Variants in RGL4 observed in about 807,000 individuals in gnomAD.
RGL4 encodes ral-GDS-related protein.
A neutral mutation model predicts 49.6 loss-of-function variants in RGL4; 41 were observed. The ratio of observed to expected loss-of-function variants is 0.83; its 90% CI spans 0.64 to 1.07. The LOEUF is 1.07. Among genes scored for constraint, RGL4 ranks in the 50% least tolerant of loss-of-function variants. The pLI, the probability that RGL4 is intolerant of heterozygous loss-of-function variation, is 0.00. For missense variants in RGL4, 610 were observed against 591.9 expected (o/e 1.03, Z -0.32); for synonymous variants, 255 against 238.0 (o/e 1.07, Z -0.66).
chr22:23,692,299 C>T (rs1923188462), intron 1 of RGL4, 36 bp from the exon 2 acceptor site: 2 of 1,610,240 alleles, frequency 1.2e-6, no homozygotes, highest in South Asian at 1.1e-5. Flanking sequence ...TGGGAGAAGG[C>T]CAGGCCTCTG....
chr22:23,696,263 AG>A, intron 6 of RGL4: 1 of 1,199,104 alleles, frequency 8.3e-7, no homozygotes, highest in Middle Eastern at 2.4e-4. Context: ...CAGGCCTCAC[AG>A]GGTAGAAATG....
In RGL4 at chr22:23,693,827, G is replaced by C. The variant is rs556945856; in HGVS notation, c.765G>C (p.Gly255=). 6.2e-7 allele frequency: 1 copy of C among 1,614,070 alleles called. No homozygotes were observed. Among genetic ancestry groups the C allele is most frequent in the South Asian group, 1.1e-5 (1 of 91,090 alleles). The change falls in exon 4 of 11, where the codon GGG becomes GGC. Residue 255 remains glycine, a synonymous_variant. Transcript: ENST00000290691. ...TCTGGGGCCAAGGACATCTGAAGGG[G>C]AATGAGCACATGGCACCCACAGTTC... The part of the protein sequence containing the change: ...GCIWGQGHLK[G]NEHMAPTVRA...
At chr22:23,694,753 T>C (rs1049213485) in intron 5 of RGL4, 197 bp from the exon 6 acceptor site, 23 of 611,100 alleles carry the variant, frequency 3.8e-5, no homozygotes, top group Middle Eastern at 3.3e-4. Flanking sequence ...GTGGCTCATG[T>C]GAAGTGGAGA....
intron 8 of RGL4, 88 bp from the exon 9 acceptor site, chr22:23,697,750 G>A (rs1923600435): frequency 2.8e-6 from 4 of 1,408,314 alleles, no homozygotes; most frequent in Non-Finnish European, 3.0e-6. Context: ...GACCCTGGTG[G>A]CCCTGGCAGT....
Position 23,699,039 on chromosome 22 carries a change from C to T in RGL4, c.*156C>T, listed in dbSNP as rs1446200475. On this transcript the variant is annotated 3_prime_UTR_variant, in exon 11 of 11. Transcript: ENST00000290691. ...TGCCCTGGATCCTCATCACCAACTG[C>T]TCCTGCTGGCCAGGATCAGGCCATG... 2.6e-6 allele frequency: 4 copies of T among 1,547,002 alleles called. No homozygotes were observed. Among genetic ancestry groups the T allele is most frequent in the Middle Eastern group, 1.7e-4 (1 of 6,016 alleles).
At position 23,698,991 on chromosome 22, in the gene RGL4, A is replaced by C. The variant is rs1320858198; in HGVS notation, c.*108A>C. The C allele has an allele frequency of 1.3e-6, 2 of 1,557,772 alleles. No homozygotes were observed. The highest frequency in any genetic ancestry group is 1.7e-6 in the Non-Finnish European group (2 of 1,150,444). ...TAGACACCAGGGAACCACATCTAGG[A>C]GGCTGGCAGCTCAGCTGCATCTTGC... On this transcript the variant is annotated 3_prime_UTR_variant, in exon 11 of 11. Transcript: ENST00000290691.
chr22:23,696,557 G>A, intron 6 of RGL4, 57 bp from the exon 7 acceptor site: 1 of 1,611,800 alleles, frequency 6.2e-7, no homozygotes, highest in African/African-American at 1.3e-5. Flanking sequence ...GGGTGGCTGG[G>A]GTGTAACTGG....
chr22:23,698,718 C>T (rs1601293075), intron 10 of RGL4, 126 bp from the exon 11 acceptor site: 3 of 1,253,048 alleles, frequency 2.4e-6, no homozygotes, highest in East Asian at 5.1e-5. Context: ...GCCATGCCTC[C>T]ACGGCCAGCA....
In RGL4 at chr22:23,699,063, T is replaced by C. The variant is rs559617660; in HGVS notation, c.*180T>C. The stretch of plus-strand genomic sequence containing the variant: ...GCTCCTGCTGGCCAGGATCAGGCCA[T>C]GGGACTTTTGTGAGTCAGGCGGGAG... On this transcript the variant is annotated 3_prime_UTR_variant, in exon 11 of 11. Coordinates refer to ENST00000290691, the MANE Select transcript of RGL4 (RefSeq NM_153615.2). 3.2e-4 allele frequency: 495 copies of C among 1,544,216 alleles called. 7 individuals carry two copies. The South Asian group carries it at 5.5e-3, about 17-fold the overall frequency.
chr22:23,694,127 C>T lies in RGL4; in HGVS notation c.912+153C>T, dbSNP rs551561425. On this transcript the variant is annotated intron_variant, in intron 4 of 10. Transcript: ENST00000290691. ...GCCAGAGCTTCACTCACCTTGACTCCCACGGCCCAGTGGTGGCTGCTCACT... is the reference window on the plus strand; with the variant it reads ...GCCAGAGCTTCACTCACCTTGACTCTCACGGCCCAGTGGTGGCTGCTCACT... The T allele has an allele frequency of 2.3e-5, 18 of 772,270 alleles. No homozygotes were observed. The Admixed American group carries it at 2.5e-4, about 11-fold the overall frequency. The allele number at this position is 772,270 out of a possible 1,614,324, so 47.8% of individuals were successfully genotyped here.
chr22:23,692,014 C>G lies in RGL4; in HGVS notation c.-17C>G. 1 of 1,611,672 alleles carries G rather than the reference C, an allele frequency of 6.2e-7. No individual in the cohort carries two copies. The highest frequency in any genetic ancestry group is 8.5e-7 in the Non-Finnish European group (1 of 1,178,290). Reference sequence around the variant, plus strand: ...CCTCCTAACCCCAGGACCAGGGGACCCAGATCTGGAGCTTTGATGAGGAAG... The same window carrying G: ...CCTCCTAACCCCAGGACCAGGGGACGCAGATCTGGAGCTTTGATGAGGAAG... On this transcript the variant is annotated 5_prime_UTR_variant, in exon 1 of 11. Transcript: ENST00000290691.
chr22:23,695,591 C>T lies in RGL4; in HGVS notation c.1086+572C>T, dbSNP rs1421965173. ...TCCAGTAACTGCCCAGCTTTGGGTA[C>T]CAATGGGCATACTGGGGACAGACGT... On this transcript the variant is annotated intron_variant, in intron 6 of 10. Transcript: ENST00000290691. 4.5e-5 allele frequency: 17 copies of T among 379,862 alleles called. No individual in the cohort carries two copies. The East Asian group carries it at 1.3e-3, about 29-fold the overall frequency. The allele number at this position is 379,862 out of a possible 1,614,324, so 23.5% of individuals were successfully genotyped here. A position where few individuals can be genotyped will look rare whatever the true frequency, so the allele number is the denominator to read the frequency against.
Position 23,699,069 on chromosome 22 carries a change from T to A in RGL4, c.*186T>A. 3 of 1,543,440 alleles carry A rather than the reference T, an allele frequency of 1.9e-6. No individual in the cohort carries two copies. The South Asian group carries it at 3.6e-5, about 19-fold the overall frequency. ...GCTGGCCAGGATCAGGCCATGGGAC[T>A]TTTGTGAGTCAGGCGGGAGACCATT... On this transcript the variant is annotated 3_prime_UTR_variant, in exon 11 of 11. Coordinates refer to ENST00000290691, the MANE Select transcript of RGL4 (RefSeq NM_153615.2).
intron 8 of RGL4, 46 bp from the exon 9 acceptor site, chr22:23,697,792 G>A (rs1227175625): frequency 3.0e-5 from 47 of 1,585,672 alleles, no homozygotes; most frequent in Non-Finnish European, 4.0e-5. Flanking sequence ...GGGTGGGGCT[G>A]GTTGTGGGCC....
chr22:23,694,735 A>T, intron 5 of RGL4: 1 of 599,270 alleles, frequency 1.7e-6, no homozygotes, highest in South Asian at 2.0e-5. Flanking sequence ...GCTAACTGTA[A>T]ACACGCAGTG....
chr22:23,697,037 C>A, intron 7 of RGL4, 134 bp from the exon 8 acceptor site: 1 of 728,302 alleles, frequency 1.4e-6, no homozygotes, highest in Non-Finnish European at 2.4e-6. Flanking sequence ...GCTGCTCCAA[C>A]CGGGAGACCT....
At position 23,694,928 on chromosome 22, in the gene RGL4, T is replaced by A. The variant is rs772358160; in HGVS notation, c.1017-22T>A. ...CTCCCCTGATTCCCAAATTTACCCTTCTTTCTTTCCTCTGCCCATAGCAAA... is the reference window on the plus strand; with the variant it reads ...CTCCCCTGATTCCCAAATTTACCCTACTTTCTTTCCTCTGCCCATAGCAAA... On this transcript the variant is annotated intron_variant, in intron 5 of 10. Transcript: ENST00000290691. 10 of 1,603,798 alleles carry A rather than the reference T, an allele frequency of 6.2e-6. No homozygotes were observed. The Admixed American group carries it at 8.3e-5, about 13-fold the overall frequency.
chr22:23,693,918 A>G lies in RGL4; in HGVS notation c.856A>G (p.Ser286Gly). Residue 286 changes from serine to glycine, a missense_variant, in exon 4 of 11, where the codon AGC (serine) becomes GGC (glycine). By Grantham distance (56) the Ser-to-Gly change is moderately conservative. Coordinates refer to ENST00000290691, the MANE Select transcript of RGL4 (RefSeq NM_153615.2). ...CACCACCTCCTGCCTCGGGGACCAC[A>G]GCATGAGGGCCCGGGACAGGGCCAG... The part of the protein sequence containing the change: ...CITTSCLGDH[S>G]MRARDRARVV... The G allele has an allele frequency of 6.2e-7, 1 of 1,613,912 alleles. No homozygotes were observed. The highest frequency in any genetic ancestry group is 2.2e-5 in the East Asian group (1 of 44,886).
chr22:23,697,780 TG>T, intron 8 of RGL4, 57 bp from the exon 9 acceptor site: 2 of 1,556,216 alleles, frequency 1.3e-6, no homozygotes, highest in Non-Finnish European at 1.7e-6. Context: ...TGGGAAGGGG[TG>T]GGGTGGGGCT....
Sources: allele counts gnomAD v4.1 joint callset, GRCh38; gene constraint gnomAD v4.1.1; transcripts MANE v1.5; gene names NCBI Gene and HGNC (gene_info 2026-07-23, HGNC 2026-07-21).